Variants in TRAPPC9 observed in about 807,000 individuals in gnomAD.
TRAPPC9 encodes IKK2 binding protein.
TRAPPC9 carries 83 observed loss-of-function variants against 124.0 expected under a neutral mutation model. The ratio of observed to expected loss-of-function variants is 0.67; its 90% CI spans 0.56 to 0.80. The LOEUF is 0.80. Ranked by LOEUF, TRAPPC9 falls within the 30% of genes least tolerant of loss-of-function variation. TRAPPC9 has a pLI of 0.00. For synonymous variants in TRAPPC9, 638 were observed against 617.5 expected (o/e 1.03, Z -0.49); for missense variants, 1,302 against 1,508.3 (o/e 0.86, Z 2.27).
At chr8:140,110,989 T>C (rs560576165) in intron 17 of TRAPPC9, among the ~76,000 whole-genome samples, 89 of 129,134 alleles carry the variant, frequency 6.9e-4, no homozygotes, top group Non-Finnish European at 1.2e-3. Flanking sequence ...TCCCCACTTG[T>C]TTGGGTAACT....
intron 11 of TRAPPC9, among the ~76,000 whole-genome samples, chr8:140,296,446 T>G (rs2065806205): frequency 6.6e-6 from 1 of 152,080 alleles, no homozygotes; most frequent in Non-Finnish European, 1.5e-5. Context: ...TTGTATTTTG[T>G]GTAGAGATGG....
intron 20 of TRAPPC9, among the ~76,000 whole-genome samples, chr8:139,896,264 G>A (rs896692404): frequency 2.0e-5 from 3 of 152,144 alleles, no homozygotes; most frequent in African/African-American, 4.8e-5. Context: ...CAGTGATGGG[G>A]GTGGCTACTA....
At chr8:140,110,941 C>T (rs2060763814) in intron 17 of TRAPPC9, among the ~76,000 whole-genome samples, 1 of 83,642 alleles carries the variant, frequency 1.2e-5, no homozygotes, top group Non-Finnish European at 2.4e-5. Context: ...CCCAAAGCTC[C>T]CCCTGCAGTA....
At chr8:140,043,044 C>G (rs1380847454) in intron 17 of TRAPPC9, among the ~76,000 whole-genome samples, 2 of 152,200 alleles carry the variant, frequency 1.3e-5, no homozygotes, top group African/African-American at 4.8e-5. Flanking sequence ...CCCACCGGTC[C>G]TGTCTCTTCC....
intron 17 of TRAPPC9, among the ~76,000 whole-genome samples, chr8:140,108,040 T>C (rs1186353102): frequency 1.4e-5 from 2 of 147,090 alleles, no homozygotes; most frequent in African/African-American, 5.1e-5. Flanking sequence ...TGTTTATACA[T>C]AGACAGGTTA....
intron 17 of TRAPPC9, among the ~76,000 whole-genome samples, chr8:140,045,736 T>C (rs867764317): frequency 1.3e-5 from 2 of 150,964 alleles, no homozygotes; most frequent in Middle Eastern, 3.2e-3. Flanking sequence ...TCAGGTCTTC[T>C]GGGGAGATGA....
chr8:139,925,359 CGA>C (rs1563926405), intron 19 of TRAPPC9, among the ~76,000 whole-genome samples: 1 of 152,090 alleles, frequency 6.6e-6, no homozygotes, highest in Non-Finnish European at 1.5e-5. Flanking sequence ...ATCTTAGAGG[CGA>C]GAGAGCTAGA....
intron 19 of TRAPPC9, among the ~76,000 whole-genome samples, chr8:139,976,526 A>T (rs1227930131): frequency 6.6e-6 from 1 of 152,188 alleles, no homozygotes; most frequent in Non-Finnish European, 1.5e-5. Context: ...AGGGCTTATG[A>T]CCACAATGCA....
Position 140,288,483 on chromosome 8 carries a change from C to T in TRAPPC9, c.1855-749G>A, listed in dbSNP as rs564275942. 5.9e-5 allele frequency among the ~76,000 whole-genome samples: 9 copies of T among 152,312 alleles called. No homozygotes were observed. In the South Asian group the frequency reaches 1.9e-3, roughly 32 times the overall value. On this transcript the variant is annotated intron_variant, in intron 12 of 22. Transcript: ENST00000438773. ...TGAACAAAACAGGCAGATTCCCTGG[C>T]CTCAAGACGGTGGCCCATGATTGGA...
At chr8:139,732,464 C>T (rs1027325262) in intron 21 of TRAPPC9, among the ~76,000 whole-genome samples, 14 of 152,234 alleles carry the variant, frequency 9.2e-5, no homozygotes, top group African/African-American at 3.4e-4. Context: ...CTGGGAGGGC[C>T]TCCTGCCACA....
At chr8:140,287,580 G>A (rs2065524518) in intron 13 of TRAPPC9, 28 bp downstream of exon 13, 2 of 1,613,990 alleles carry the variant, frequency 1.2e-6, no homozygotes, top group Admixed American at 1.7e-5. Context: ...ACCCTCCTGA[G>A]CAGGAAGCAT....
chr8:140,258,989 C>T (rs1049732714), intron 15 of TRAPPC9, among the ~76,000 whole-genome samples: 5 of 152,218 alleles, frequency 3.3e-5, no homozygotes, highest in East Asian at 1.9e-4. Context: ...AAGAACCAGC[C>T]GCCCCTTTGG....
At chr8:140,147,936 TG>T (rs2130808466) in intron 17 of TRAPPC9, among the ~76,000 whole-genome samples, 1 of 152,356 alleles carries the variant, frequency 6.6e-6, no homozygotes, top group East Asian at 1.9e-4. Flanking sequence ...GGCTTCTCCC[TG>T]GAACTCAGTG....
intron 9 of TRAPPC9, among the ~76,000 whole-genome samples, chr8:140,343,699 C>G (rs2067258326): frequency 6.6e-6 from 1 of 152,206 alleles, no homozygotes; most frequent in East Asian, 1.9e-4. Flanking sequence ...AGACCTGGCA[C>G]ACACCTCCTG....
chr8:140,113,636 A>G (rs1587734063), intron 17 of TRAPPC9, among the ~76,000 whole-genome samples: 1 of 152,144 alleles, frequency 6.6e-6, no homozygotes, highest in African/African-American at 2.4e-5. Flanking sequence ...TCCACTGTGA[A>G]CCTGGGCTCT....
chr8:140,080,573 A>G (rs73359159), intron 17 of TRAPPC9, among the ~76,000 whole-genome samples: 3,171 of 152,250 alleles, frequency 0.021, 106 homozygotes, highest in African/African-American at 0.072. Flanking sequence ...ACCCACTCTC[A>G]TGTTGACTGA....
At chr8:140,276,242 G>A (rs1455740411) in intron 14 of TRAPPC9, among the ~76,000 whole-genome samples, 1 of 152,202 alleles carries the variant, frequency 6.6e-6, no homozygotes, top group East Asian at 1.9e-4. Context: ...AGATTTAAGA[G>A]GAAAATGTAT....
At chr8:139,858,105 T>C (rs1356924323) in intron 21 of TRAPPC9, among the ~76,000 whole-genome samples, 1 of 152,232 alleles carries the variant, frequency 6.6e-6, no homozygotes, top group African/African-American at 2.4e-5. Flanking sequence ...ACTGGGGCTT[T>C]GCCTTGAAAA....
At chr8:140,452,292 C>A (rs1326023226) in intron 1 of TRAPPC9, among the ~76,000 whole-genome samples, 1 of 150,340 alleles carries the variant, frequency 6.7e-6, no homozygotes, top group Non-Finnish European at 1.5e-5. Flanking sequence ...TGGTGGCAGG[C>A]ACCTGTAGTC....
Sources: gnomAD v4.1 joint callset for allele counts (sites outside exome capture counted in the v4.1 genomes callset) on GRCh38, gnomAD v4.1.1 for gene constraint, MANE v1.5 for transcripts, NCBI Gene and HGNC (gene_info 2026-07-23, HGNC 2026-07-21) for gene names.